NAV1: variants seen among roughly 807,000 people sequenced by gnomAD.
NAV1 encodes the protein neuron navigator 1.
Under a neutral mutation model 175.2 loss-of-function variants are expected in NAV1, and 18 were observed. That is an observed-to-expected ratio of 0.10 (90% CI 0.07 to 0.15). NAV1 has a LOEUF of 0.15. Ranked by LOEUF, NAV1 falls within the 10% of genes least tolerant of loss-of-function variation. The probability of loss-of-function intolerance (pLI) is 1.00; values close to 1 mark genes in which losing one functional copy is unlikely to be tolerated. For synonymous variants in NAV1, 897 were observed against 978.7 expected (o/e 0.92, Z 1.56); for missense variants, 1,731 against 2,436.6 (o/e 0.71, Z 6.10).
chr1:201,660,827 C>G (rs1024097127), intron 1 of NAV1, among the ~76,000 whole-genome samples: 3 of 152,156 alleles, frequency 2.0e-5, no homozygotes, highest in African/African-American at 7.2e-5. Flanking sequence ...CCTGGGGGCC[C>G]CCTGTTAACT....
upstream of NAV1, among the ~76,000 whole-genome samples, chr1:201,646,208 T>C (rs908676901): frequency 6.6e-6 from 1 of 152,230 alleles, no homozygotes; most frequent in African/African-American, 2.4e-5. Context: ...AACCAGTTCT[T>C]CACTGCTTGT....
Position 201,813,094 on chromosome 1 carries a change from A to T in NAV1, c.5222-46A>T. 1 of 1,369,056 alleles carries T rather than the reference A, an allele frequency of 7.3e-7. No homozygotes were observed. Among genetic ancestry groups the T allele is most frequent in the Non-Finnish European group, 1.0e-6 (1 of 961,316 alleles). 84.8% of individuals were successfully genotyped at this position (1,369,056 alleles called of 1,614,324 possible). A position where few individuals can be genotyped will look rare whatever the true frequency, so the allele number is the denominator to read the frequency against. ...GAGTAAAAGAGGCACACAACCGGGA[A>T]GATCTAGGTTCCCAGCCATCTTCAT... On this transcript the variant is annotated intron_variant, in intron 27 of 29. Coordinates refer to ENST00000367296, the Ensembl canonical transcript of NAV1. This position sits in a 1 kb window ranked among gnomAD's most constrained non-coding sequence, Gnocchi z 4.2.
chr1:201,721,411 A>G (rs1672379828), intron 3 of NAV1, among the ~76,000 whole-genome samples: 1 of 152,216 alleles, frequency 6.6e-6, no homozygotes, highest in South Asian at 2.1e-4. Context: ...TCACTCCTCG[A>G]TTATGGGTTT....
intron 3 of NAV1, chr1:201,724,096 C>A (rs1327440960): frequency 6.6e-6 from 1 of 152,166 alleles, no homozygotes; most frequent in Non-Finnish European, 1.5e-5. Context: ...GACTGATCAC[C>A]CGCTTGACAC....
At chr1:201,685,053 G>A (rs2102405831) in intron 1 of NAV1, among the ~76,000 whole-genome samples, 1 of 116,972 alleles carries the variant, frequency 8.5e-6, no homozygotes, top group African/African-American at 3.2e-5. Flanking sequence ...CAAGGTGGGT[G>A]GATCACTTGA....
chr1:201,631,904 T>C (rs901146711), intron 2 of NAV1, among the ~76,000 whole-genome samples: 2 of 152,184 alleles, frequency 1.3e-5, no homozygotes, highest in Non-Finnish European at 2.9e-5. Context: ...CCCCATCACC[T>C]AGCACAGTGC....
At chr1:201,724,010 G>C (rs143433687) in intron 3 of NAV1, 1 of 151,972 alleles carries the variant, frequency 6.6e-6, no homozygotes, top group Non-Finnish European at 1.5e-5. Flanking sequence ...CCAGTTTTTC[G>C]AACCTTTCAT....
intron 3 of NAV1, among the ~76,000 whole-genome samples, chr1:201,753,092 C>G (rs1674233648): frequency 6.6e-6 from 1 of 152,114 alleles, no homozygotes; most frequent in Non-Finnish European, 1.5e-5. Flanking sequence ...AACTCACACC[C>G]CCTAAGCAAA....
At chr1:201,639,546 T>G (rs976045392) in intron 2 of NAV1, among the ~76,000 whole-genome samples, 9 of 152,124 alleles carry the variant, frequency 5.9e-5, no homozygotes, top group Non-Finnish European at 1.0e-4. Context: ...GAGAAGCAAG[T>G]GTCCAGCCCT....
Position 201,785,300 on chromosome 1 carries a change from ATC to A in NAV1, c.2805-7_2805-6del, listed in dbSNP as rs1676661979. The A allele has an allele frequency of 1.4e-6, 2 of 1,394,662 alleles. No individual in the cohort carries two copies. The highest frequency in any genetic ancestry group is 4.1e-5 in the African/African-American group (2 of 48,322). The allele number at this position is 1,394,662 out of a possible 1,614,324, so 86.4% of individuals were successfully genotyped here. Reference sequence around the variant, plus strand: ...TCTCTCTCTTTTTTTTTTTTTTTTTATCTCCACAGTAATCAGCGGGATCGGAA... The same window carrying A: ...TCTCTCTCTTTTTTTTTTTTTTTTTATCCACAGTAATCAGCGGGATCGGAA... On this transcript the variant is annotated splice_polypyrimidine_tract_variant and splice_region_variant and intron_variant, in intron 7 of 29. Transcript: ENST00000367296.
At chr1:201,811,834 G>A (rs1027662558) in intron 25 of NAV1, 69 bp from the exon 30 acceptor site, 5 of 1,612,290 alleles carry the variant, frequency 3.1e-6, no homozygotes, top group Non-Finnish European at 4.2e-6. Flanking sequence ...CCTATGAGTT[G>A]TGTGCATGTG....
chr1:201,790,037 C>A (rs954066426), intron 11 of NAV1, among the ~76,000 whole-genome samples: 2 of 152,126 alleles, frequency 1.3e-5, no homozygotes, highest in Non-Finnish European at 2.9e-5. Context: ...ATTTTTGTTC[C>A]CCTCCTTTGA....
In NAV1 at chr1:201,755,632, A is replaced by G. The variant is rs2078097; in HGVS notation, c.1227-24789A>G. ...TAGGAAAACTTGCATTCTTAGTTCA[A>G]TTTTAGTTAGAGGCTGCAAGACAAG... is the stretch of plus-strand genomic sequence containing the variant. On this transcript the variant is annotated intron_variant, in intron 3 of 29. Transcript: ENST00000367296. Among the ~76,000 whole-genome samples, 1,006 of 152,338 alleles carry G rather than the reference A, an allele frequency of 6.6e-3. 62 individuals carry two copies. The East Asian group carries it at 0.15, about 23-fold the overall frequency.
At chr1:201,656,416 T>C (rs187359342) in intron 1 of NAV1, among the ~76,000 whole-genome samples, 1 of 152,286 alleles carries the variant, frequency 6.6e-6, no homozygotes, top group Admixed American at 6.5e-5. Context: ...GGTTATCCAG[T>C]TGAGGTGTTG....
At chr1:201,739,742 T>C in intron 3 of NAV1, 4 of 1,166,608 alleles carry the variant, frequency 3.4e-6, no homozygotes, top group Middle Eastern at 6.8e-4. Flanking sequence ...GTCTACCTGC[T>C]CTGGGTGTTA....
exon 16 of NAV1, chr1:201,803,700 A>G (rs1571509084): frequency 6.3e-7 from 1 of 1,592,266 alleles, no homozygotes; most frequent in African/African-American, 1.5e-5. Context: ...GAAAAAGAAG[A>G]AAAAAAAGAG....
At chr1:201,544,238 T>C (rs2102444623) in intron 1 of NAV1, among the ~76,000 whole-genome samples, 1 of 152,362 alleles carries the variant, frequency 6.6e-6, no homozygotes, top group South Asian at 2.1e-4. Flanking sequence ...CTAGGTGATT[T>C]TGATGCACTG....
intron 1 of NAV1, among the ~76,000 whole-genome samples, chr1:201,708,152 A>G (rs1294284514): frequency 6.6e-6 from 1 of 152,162 alleles, no homozygotes; most frequent in Non-Finnish European, 1.5e-5. Context: ...AACAGTGTGT[A>G]GAAAGAAACA....
chr1:201,598,858 G>A (rs569720636), intron 2 of NAV1, among the ~76,000 whole-genome samples: 1 of 152,278 alleles, frequency 6.6e-6, no homozygotes, highest in East Asian at 1.9e-4. Flanking sequence ...AGTGGGAGGG[G>A]GGTGTTATTG....
Sources: allele counts gnomAD v4.1 joint callset (sites outside exome capture counted in the v4.1 genomes callset), GRCh38; gene constraint gnomAD v4.1.1; non-coding constraint Gnocchi (gnomAD v3.1); transcripts MANE v1.5; gene names NCBI Gene and HGNC (gene_info 2026-07-23, HGNC 2026-07-21).